LRRC49: variants seen among roughly 807,000 people sequenced by gnomAD.
The protein encoded by LRRC49 is leucine rich repeat containing 49, also known as leucine-rich repeat-containing protein 49.
LRRC49 carries 50 observed loss-of-function variants against 83.3 expected under a neutral mutation model. The ratio of observed to expected loss-of-function variants is 0.60; its 90% CI spans 0.48 to 0.76. The LOEUF (loss-of-function observed/expected upper bound fraction) is 0.76, where lower values mean the gene tolerates loss of function less well. Among genes scored for constraint, LRRC49 ranks in the 30% least tolerant of loss-of-function variants. The pLI is 0.00. For missense variants in LRRC49, 704 were observed against 809.1 expected (o/e 0.87, Z 1.58); for synonymous variants, 286 against 283.3 (o/e 1.01, Z -0.10).
chr15:70,857,889 T>C (rs2032690705), intron 1 of LRRC49, among the ~76,000 whole-genome samples: 1 of 152,230 alleles, frequency 6.6e-6, no homozygotes, highest in African/African-American at 2.4e-5. Context: ...TCATAACCTC[T>C]CTGCTGTTCA....
chr15:70,869,957 TA>T (rs528689729), intron 1 of LRRC49, among the ~76,000 whole-genome samples: 2,464 of 148,064 alleles, frequency 0.017, 62 homozygotes, highest in African/African-American at 0.053. Context: ...GAGCTGCAGC[TA>T]AAAAAAAAAA....
At chr15:70,874,924 G>A (rs918678822) in intron 2 of LRRC49, among the ~76,000 whole-genome samples, 1 of 152,216 alleles carries the variant, frequency 6.6e-6, no homozygotes, top group Non-Finnish European at 1.5e-5. Flanking sequence ...TGCCCCTGTG[G>A]GGCTTACAGG....
intron 1 of LRRC49, chr15:70,854,188 G>T (rs1049199935): frequency 3.4e-6 from 3 of 886,666 alleles, no homozygotes; most frequent in Non-Finnish European, 2.9e-6. Flanking sequence ...GTGCGAGCGC[G>T]CCTGCCGCTC....
chr15:71,028,673 G>T (rs1030143201), intron 14 of LRRC49, among the ~76,000 whole-genome samples: 1 of 152,146 alleles, frequency 6.6e-6, no homozygotes, highest in Non-Finnish European at 1.5e-5. Flanking sequence ...TTAGTCTTGG[G>T]AGGGTGTATG....
intron 7 of LRRC49, among the ~76,000 whole-genome samples, chr15:70,930,399 T>A (rs1329309272): frequency 6.7e-6 from 1 of 149,270 alleles, no homozygotes; most frequent in Non-Finnish European, 1.5e-5. Context: ...CAGACAGATA[T>A]ACTGTCATCA....
At chr15:71,007,707 A>ATG (rs1416648047) in intron 11 of LRRC49, among the ~76,000 whole-genome samples, 14 of 19,682 alleles carry the variant, frequency 7.1e-4, no homozygotes, top group African/African-American at 2.2e-3. Context: ...TATGAGAAGC[A>ATG]TGTATATATA....
At chr15:70,891,109 C>G (rs1290982258), upstream of LRRC49, among the ~76,000 whole-genome samples, 2 of 152,166 alleles carry the variant, frequency 1.3e-5, no homozygotes, top group East Asian at 3.9e-4. Context: ...ATAATTTAAT[C>G]TGTGTAATGG....
chr15:71,008,173 T>C (rs1043651237), intron 11 of LRRC49, among the ~76,000 whole-genome samples: 3 of 151,916 alleles, frequency 2.0e-5, no homozygotes, highest in African/African-American at 4.8e-5. Flanking sequence ...TTTTTGTTCA[T>C]AACATGCCTC....
intron 8 of LRRC49, among the ~76,000 whole-genome samples, chr15:70,957,549 C>T (rs1012743565): frequency 1.3e-5 from 2 of 151,844 alleles, no homozygotes; most frequent in East Asian, 1.9e-4. Context: ...TTCATTCATT[C>T]ACCGAAACTT....
chr15:70,941,539 T>A (rs1192074709), intron 8 of LRRC49, among the ~76,000 whole-genome samples: 1 of 149,926 alleles, frequency 6.7e-6, no homozygotes, highest in Non-Finnish European at 1.5e-5. Context: ...AGGGGGCCAA[T>A]GTACAACGTA....
chr15:70,867,234 G>C (rs148547796), intron 1 of LRRC49, among the ~76,000 whole-genome samples: 1 of 152,084 alleles, frequency 6.6e-6, no homozygotes, highest in Admixed American at 6.5e-5. Flanking sequence ...AGAGAAAGAG[G>C]CTTGTAAGGG....
intron 8 of LRRC49, among the ~76,000 whole-genome samples, chr15:70,957,258 A>G (rs962687087): frequency 4.6e-5 from 7 of 152,204 alleles, no homozygotes; most frequent in Non-Finnish European, 1.0e-4. Flanking sequence ...AACAAATGAT[A>G]GACTCTACAA....
intron 8 of LRRC49, among the ~76,000 whole-genome samples, chr15:70,959,536 G>GGAAGGAA: frequency 1.3e-5 from 1 of 79,598 alleles, no homozygotes; most frequent in African/African-American, 5.4e-5. Flanking sequence ...GAGGAAAGGA[G>GGAAGGAA]GGAAGGAAGG....
chr15:71,014,869 A>G (rs2038775330), intron 14 of LRRC49, among the ~76,000 whole-genome samples: 1 of 152,216 alleles, frequency 6.6e-6, no homozygotes, highest in Non-Finnish European at 1.5e-5. Context: ...TAACATAGTT[A>G]ACACATTTTA....
chr15:70,984,056 G>A (rs750608777), intron 10 of LRRC49, 38 bp from the exon 11 acceptor site: 1 of 1,541,346 alleles, frequency 6.5e-7, no homozygotes, highest in South Asian at 1.1e-5. Context: ...TACAAAAATT[G>A]CATTATATAA....
chr15:70,966,605 A>C (rs2036803572), intron 9 of LRRC49, among the ~76,000 whole-genome samples: 1 of 152,086 alleles, frequency 6.6e-6, no homozygotes, highest in African/African-American at 2.4e-5. Context: ...AATGATATAA[A>C]ATATTTTTTC....
chr15:70,866,540 C>G (rs1386640783), intron 1 of LRRC49, among the ~76,000 whole-genome samples: 3 of 152,176 alleles, frequency 2.0e-5, no homozygotes, highest in Non-Finnish European at 2.9e-5. Context: ...GCATGGAAAT[C>G]TTAACAAACA....
intron 2 of LRRC49, chr15:70,881,652 A>T (rs1000875574): frequency 6.6e-6 from 1 of 152,170 alleles, no homozygotes; most frequent in Non-Finnish European, 1.5e-5. Context: ...TTATTTCTCA[A>T]ATGTAGAATT....
intron 8 of LRRC49, among the ~76,000 whole-genome samples, chr15:70,945,804 C>G (rs1461485192): frequency 6.6e-6 from 1 of 151,924 alleles, no homozygotes; most frequent in Non-Finnish European, 1.5e-5. Flanking sequence ...GAGGATACTT[C>G]TGGAAGTGAA....
Sources: allele counts gnomAD v4.1 joint callset (sites outside exome capture counted in the v4.1 genomes callset), GRCh38; gene constraint gnomAD v4.1.1; transcripts MANE v1.5; gene names NCBI Gene and HGNC (gene_info 2026-07-23, HGNC 2026-07-21).